Variants in PROSER3 observed in about 807,000 individuals in gnomAD.
The protein encoded by PROSER3 is proline and serine rich 3.
PROSER3 carries 33 observed loss-of-function variants against 50.2 expected under a neutral mutation model. That is an observed-to-expected ratio of 0.66 (90% confidence interval 0.50 to 0.88). PROSER3 has a LOEUF of 0.88. Ranked by LOEUF, PROSER3 falls within the 40% of genes least tolerant of loss-of-function variation. The probability of loss-of-function intolerance (pLI) is 0.00; values close to 1 mark genes in which losing one functional copy is unlikely to be tolerated. For missense variants in PROSER3, 623 were observed against 612.7 expected (o/e 1.02, Z -0.18); for synonymous variants, 266 against 259.3 (o/e 1.03, Z -0.25).
At chr19:35,769,038 C>T (rs1475709499) in exon 11 of PROSER3, 1 of 152,848 alleles carries the variant, frequency 6.5e-6, no homozygotes, top group African/African-American at 2.4e-5. Context: ...ACTAGCCCAG[C>T]ATGTCAACTT....
intron 7 of PROSER3, 69 bp from the exon 8 acceptor site, chr19:35,766,699 C>A: frequency 1.7e-6 from 2 of 1,146,792 alleles, no homozygotes; most frequent in Non-Finnish European, 2.5e-6. Flanking sequence ...GGCGTGTGTG[C>A]AGGCTGTCCT....
At chr19:35,763,593 T>C (rs1339012516) in intron 5 of PROSER3, among the ~76,000 whole-genome samples, 1 of 143,212 alleles carries the variant, frequency 7.0e-6, no homozygotes. Flanking sequence ...AAACCCCGCC[T>C]CCCAGGTTCA....
intron 3 of PROSER3, 135 bp downstream of exon 3, chr19:35,760,126 A>C: frequency 1.1e-6 from 1 of 916,370 alleles, no homozygotes; most frequent in East Asian, 2.8e-5. Context: ...TGTGTTAAGA[A>C]CTCTGGTGCT....
At position 35,767,057 on chromosome 19, in the gene PROSER3, C is replaced by A. The variant is rs535445991; in HGVS notation, c.957+102C>A. 177 of 1,361,372 alleles carry A rather than the reference C, an allele frequency of 1.3e-4. 1 individual carries two copies. The highest frequency in any genetic ancestry group is 6.9e-6 in the Non-Finnish European group (7 of 1,009,570). 84.3% of individuals were successfully genotyped at this position (1,361,372 alleles called of 1,614,324 possible). A position where few individuals can be genotyped will look rare whatever the true frequency, so the allele number is the denominator to read the frequency against. On this transcript the variant is annotated intron_variant, in intron 8 of 10. Coordinates refer to ENST00000396908, the Ensembl canonical transcript of PROSER3. ...CTCTCTCTCTCTGTCTCAGATCTCT[C>A]TTATCTGTCTACAGACCTCTCCTGC... is the stretch of plus-strand genomic sequence containing the variant.
At chr19:35,762,312 A>C (rs1970980138) in exon 5 of PROSER3, 2 of 1,610,852 alleles carry the variant, frequency 1.2e-6, no homozygotes, top group African/African-American at 2.7e-5. Flanking sequence ...GGTCAACGTG[A>C]CCAGTGCATC....
In PROSER3 at chr19:35,767,950, G is replaced by A. The variant is rs762205835; in HGVS notation, c.1104G>A (p.Pro368=). 7.5e-6 allele frequency: 12 copies of A among 1,610,026 alleles called. No homozygotes were observed. In the South Asian group the frequency reaches 1.1e-4, roughly 15 times the overall value. Reference sequence around the variant, plus strand: ...AGGCAACCACAGTCAAGGCCTCGCCGCCAGCCTTCCAGGTGGGGTCTCCGG... The same window carrying A: ...AGGCAACCACAGTCAAGGCCTCGCCACCAGCCTTCCAGGTGGGGTCTCCGG... The change falls in exon 9 of 11, where the codon CCG becomes CCA. Residue 368 remains proline (P), a synonymous_variant. Transcript: ENST00000396908.
chr19:35,768,355 C>A (rs770396082), intron 10 of PROSER3, 49 bp from the exon 11 acceptor site: 2 of 1,584,320 alleles, frequency 1.3e-6, no homozygotes, highest in African/African-American at 1.3e-5. Context: ...GCCCCAGATT[C>A]TAAGCCTGAG....
chr19:35,768,019 G>T, exon 9 of PROSER3: 2 of 1,584,280 alleles, frequency 1.3e-6, no homozygotes, highest in South Asian at 1.1e-5. Context: ...ACGCCCCCTC[G>T]GAGGCCCTGC....
chr19:35,760,550 A>T (rs1405623804), intron 3 of PROSER3, among the ~76,000 whole-genome samples: 4 of 152,114 alleles, frequency 2.6e-5, no homozygotes, highest in Non-Finnish European at 5.9e-5. Flanking sequence ...CAGTGGCATG[A>T]TCTCGGCTTA....
intron 5 of PROSER3, 56 bp from the exon 6 acceptor site, chr19:35,764,798 C>A: frequency 6.7e-7 from 1 of 1,492,916 alleles, no homozygotes; most frequent in South Asian, 1.2e-5. Flanking sequence ...CTGTTTAGAA[C>A]CCCCTTCCCA....
intron 3 of PROSER3, among the ~76,000 whole-genome samples, chr19:35,760,301 T>C (rs1441847944): frequency 2.0e-5 from 3 of 152,204 alleles, no homozygotes; most frequent in African/African-American, 7.2e-5. Flanking sequence ...CACTATAACC[T>C]CAAACTCCTG....
chr19:35,767,067 T>C lies in PROSER3; in HGVS notation c.957+112T>C. Reference sequence around the variant, plus strand: ...CTGTCTCAGATCTCTCTTATCTGTCTACAGACCTCTCCTGCTCCAGTGGAG... The same window carrying C: ...CTGTCTCAGATCTCTCTTATCTGTCCACAGACCTCTCCTGCTCCAGTGGAG... On this transcript the variant is annotated intron_variant, in intron 8 of 10. Coordinates refer to ENST00000396908, the Ensembl canonical transcript of PROSER3. 7.7e-7 allele frequency: 1 copy of C among 1,304,452 alleles called. No individual in the cohort carries two copies. The highest frequency in any genetic ancestry group is 1.0e-6 in the Non-Finnish European group (1 of 963,452). The allele number at this position is 1,304,452 out of a possible 1,614,324, so 80.8% of individuals were successfully genotyped here. A position where few individuals can be genotyped will look rare whatever the true frequency, so the allele number is the denominator to read the frequency against.
rs1439897726 is a variant in PROSER3, at chr19:35,759,228, G to C, written c.12-146G>C. 8.8e-6 allele frequency: 6 copies of C among 684,632 alleles called. No homozygotes were observed. In the Admixed American group the frequency reaches 1.6e-4, roughly 18 times the overall value. The allele number at this position is 684,632 out of a possible 1,614,324, so 42.4% of individuals were successfully genotyped here. A position where few individuals can be genotyped will look rare whatever the true frequency, so the allele number is the denominator to read the frequency against. On this transcript the variant is annotated intron_variant, in intron 1 of 10. Coordinates refer to ENST00000396908, the Ensembl canonical transcript of PROSER3. ...CTCACCCTTCCACTGTCGATATCCT[G>C]AATGTGCAACGGTGCTTCATGGAAA... is the stretch of plus-strand genomic sequence containing the variant.
At chr19:35,760,846 T>G (rs1970933544) in intron 3 of PROSER3, among the ~76,000 whole-genome samples, 1 of 152,220 alleles carries the variant, frequency 6.6e-6, no homozygotes, top group African/African-American at 2.4e-5. Flanking sequence ...AGTGAGTTAC[T>G]ATATATAATG....
downstream of PROSER3, among the ~76,000 whole-genome samples, chr19:35,770,443 C>T (rs1184300656): frequency 6.6e-6 from 1 of 150,654 alleles, no homozygotes; most frequent in Non-Finnish European, 1.5e-5. Flanking sequence ...GAAAACTTAA[C>T]GGTTTTTATA....
chr19:35,768,002 G>T (rs766966051), exon 9 of PROSER3: 4 of 1,592,646 alleles, frequency 2.5e-6, no homozygotes, highest in Non-Finnish European at 2.6e-6. Context: ...CCCGCCCGCT[G>T]CTGACCACGC....
chr19:35,764,673 A>G (rs939991585), intron 5 of PROSER3, among the ~76,000 whole-genome samples, 181 bp from the exon 6 acceptor site: 4 of 152,032 alleles, frequency 2.6e-5, no homozygotes, highest in African/African-American at 9.7e-5. Context: ...AAAGAAAAAA[A>G]AAAAGGTGCT....
intron 3 of PROSER3, among the ~76,000 whole-genome samples, chr19:35,760,524 TG>T (rs1190453913): frequency 8.5e-5 from 13 of 152,352 alleles, no homozygotes; most frequent in Non-Finnish European, 1.5e-4. Flanking sequence ...TCACTCTTGT[TG>T]CCCAAGTTGG....
At chr19:35,768,622 G>C (rs1372978291) in exon 11 of PROSER3, 1 of 1,491,504 alleles carries the variant, frequency 6.7e-7, no homozygotes, top group Non-Finnish European at 8.9e-7. Context: ...GTGAGAAAGG[G>C]GTTGTTTGGA....
Sources: allele counts gnomAD v4.1 joint callset (sites outside exome capture counted in the v4.1 genomes callset), GRCh38; gene constraint gnomAD v4.1.1; transcripts MANE v1.5; gene names NCBI Gene and HGNC (gene_info 2026-07-23, HGNC 2026-07-21).